The following PREX1 variants were observed in gnomAD, a reference collection of about 807,000 sequenced individuals.
The protein encoded by PREX1 is phosphatidylinositol-3,4,5-trisphosphate dependent Rac exchange factor 1.
PREX1 carries 41 observed loss-of-function variants against 198.3 expected under a neutral mutation model. The ratio of observed to expected loss-of-function variants is 0.21; its 90% CI spans 0.16 to 0.27. The LOEUF is 0.27. Ranked by LOEUF, PREX1 falls within the 10% of genes least tolerant of loss-of-function variation. The pLI, the probability that PREX1 is intolerant of heterozygous loss-of-function variation, is 1.00. For missense variants in PREX1, 1,620 were observed against 2,200.7 expected, an observed-to-expected ratio of 0.74 and a Z score of 5.28; for synonymous variants, 843 against 887.2, an observed-to-expected ratio of 0.95 and a Z score of 0.89.
the PREX1 span, among the ~76,000 whole-genome samples, chr20:48,862,780 T>TAAAAAAAAAAA: frequency 2.4e-4 from 24 of 99,216 alleles, no homozygotes; most frequent in African/African-American, 6.1e-4. Context: ...TAAAAAAGCC[T>TAAAAAAAAAAA]AAAAAAAAAA....
intron 7 of PREX1, among the ~76,000 whole-genome samples, chr20:48,695,379 C>T (rs572589670): frequency 2.4e-4 from 36 of 152,330 alleles, no homozygotes; most frequent in Admixed American, 5.2e-4. Context: ...GCTGCTGTGA[C>T]ATTCCTGCAC....
At position 48,666,715 on chromosome 20, in the gene PREX1, C is replaced by T. The variant is rs1046797797; in HGVS notation, c.1666-360G>A. On this transcript the variant is annotated intron_variant, in intron 14 of 39. Coordinates refer to ENST00000371941, the MANE Select transcript of PREX1 (RefSeq NM_020820.4). This position sits in a 1 kb window ranked among gnomAD's most constrained non-coding sequence, Gnocchi z 4.3. ...TAATTTTTTGTATTTTTAGTAGAGA[C>T]GGGGTTTCACTGTGTTAGCCAGGAT... 3.3e-5 allele frequency among the ~76,000 whole-genome samples: 5 copies of T among 152,082 alleles called. No homozygotes were observed. Among genetic ancestry groups the T allele is most frequent in the Admixed American group, 3.3e-4 (5 of 15,284 alleles).
the PREX1 span, among the ~76,000 whole-genome samples, chr20:48,862,787 A>AT: frequency 0.014 from 940 of 67,602 alleles, 13 homozygotes; most frequent in African/African-American, 0.047. Flanking sequence ...GCCTAAAAAA[A>AT]AAAATATATA....
chr20:48,829,370 T>G (rs1455866043), upstream of PREX1, among the ~76,000 whole-genome samples: 1 of 152,230 alleles, frequency 6.6e-6, no homozygotes, highest in African/African-American at 2.4e-5. Context: ...GAAACATTGC[T>G]TATTTATTCC....
intron 1 of PREX1, among the ~76,000 whole-genome samples, chr20:48,791,473 G>C (rs1374888411): frequency 6.6e-6 from 1 of 152,138 alleles, no homozygotes; most frequent in Non-Finnish European, 1.5e-5. Context: ...GTAAAGTCAA[G>C]GACTACAGAA....
At chr20:48,693,522 G>T (rs916012690) in intron 7 of PREX1, among the ~76,000 whole-genome samples, 2 of 152,174 alleles carry the variant, frequency 1.3e-5, no homozygotes, top group African/African-American at 4.8e-5. Flanking sequence ...CCAGCACCGA[G>T]TCTACTAGCA....
At chr20:48,822,944 G>A (rs1203061505) in intron 1 of PREX1, among the ~76,000 whole-genome samples, 3 of 151,988 alleles carry the variant, frequency 2.0e-5, no homozygotes, top group Non-Finnish European at 4.4e-5. Context: ...AACCACCCGT[G>A]GCATTTCTCC....
chr20:48,855,650 G>A, the PREX1 span, among the ~76,000 whole-genome samples: 1 of 152,212 alleles, frequency 6.6e-6, no homozygotes, highest in Non-Finnish European at 1.5e-5. Context: ...TGTAATCCCA[G>A]CACTTTGGGA....
intron 4 of PREX1, among the ~76,000 whole-genome samples, chr20:48,727,227 G>A (rs1198471885): frequency 6.6e-6 from 1 of 152,160 alleles, no homozygotes; most frequent in Non-Finnish European, 1.5e-5. Flanking sequence ...TAGCTGGGAG[G>A]AGTGTACGTG....
At chr20:48,723,407 C>A (rs1249029113) in intron 5 of PREX1, among the ~76,000 whole-genome samples, 1 of 152,200 alleles carries the variant, frequency 6.6e-6, no homozygotes, top group Admixed American at 6.5e-5. Flanking sequence ...TTCCCCTGAG[C>A]CCCGGGTGTT....
intron 5 of PREX1, among the ~76,000 whole-genome samples, chr20:48,720,893 G>A (rs949826206): frequency 5.9e-5 from 9 of 152,136 alleles, no homozygotes; most frequent in African/African-American, 2.2e-4. Flanking sequence ...GACAGACATG[G>A]GAGGTGCAGG....
chr20:48,699,668 A>C (rs2089864332), intron 7 of PREX1, among the ~76,000 whole-genome samples: 1 of 152,040 alleles, frequency 6.6e-6, no homozygotes, highest in Admixed American at 6.6e-5. Context: ...TCCATCTACT[A>C]ATCTCCAAAC....
At chr20:48,746,335 T>C (rs920248276) in intron 2 of PREX1, among the ~76,000 whole-genome samples, 3 of 152,218 alleles carry the variant, frequency 2.0e-5, no homozygotes, top group African/African-American at 2.4e-5. Context: ...CATGATTGTA[T>C]GTTTTTTAAG....
intron 1 of PREX1, among the ~76,000 whole-genome samples, chr20:48,797,286 G>A (rs750483677): frequency 1.3e-5 from 2 of 151,924 alleles, no homozygotes; most frequent in African/African-American, 2.4e-5. Flanking sequence ...GCTGGCCTTT[G>A]TGGTTGAGTC....
At chr20:48,778,425 C>CAAA (rs35297652) in intron 1 of PREX1, among the ~76,000 whole-genome samples, 1,983 of 117,458 alleles carry the variant, frequency 0.017, 45 homozygotes, top group African/African-American at 0.062. Flanking sequence ...AGTCAAAAAT[C>CAAA]AAAAAAAAAA....
intron 15 of PREX1, among the ~76,000 whole-genome samples, chr20:48,665,799 C>A (rs970606658): frequency 2.8e-4 from 43 of 152,182 alleles, no homozygotes; most frequent in Non-Finnish European, 5.1e-4. Context: ...ACTCACCCCC[C>A]AATACCTGCC....
chr20:48,639,675 A>G, intron 30 of PREX1, 91 bp downstream of exon 30: 21 of 1,533,596 alleles, frequency 1.4e-5, no homozygotes, highest in Non-Finnish European at 1.9e-5. Flanking sequence ...AACAGGGGTC[A>G]CAGAACTGGA....
At chr20:48,644,119 A>G (rs1305375292) in intron 27 of PREX1, among the ~76,000 whole-genome samples, 2 of 152,226 alleles carry the variant, frequency 1.3e-5, no homozygotes, top group East Asian at 3.8e-4. Context: ...CACAGAATTG[A>G]ACCGTGCATG....
chr20:48,689,472 C>G (rs1438756684), intron 9 of PREX1, among the ~76,000 whole-genome samples: 2 of 152,186 alleles, frequency 1.3e-5, no homozygotes, highest in Non-Finnish European at 1.5e-5. Context: ...AGAATTTAGA[C>G]CCAGGAAGTT....
Sources: gnomAD v4.1 joint callset for allele counts (sites outside exome capture counted in the v4.1 genomes callset) on GRCh38, gnomAD v4.1.1 for gene constraint, Gnocchi (gnomAD v3.1) non-coding constraint, MANE v1.5 for transcripts, NCBI Gene and HGNC (gene_info 2026-07-23, HGNC 2026-07-21) for gene names.